BMPR2: variants seen among roughly 807,000 people sequenced by gnomAD.
The protein encoded by BMPR2 is bone morphogenetic protein receptor type-2.
Under a neutral mutation model 100.8 loss-of-function variants are expected in BMPR2, and 29 were observed. That is an observed-to-expected ratio of 0.29 (90% CI 0.21 to 0.39). The LOEUF is 0.39. Ranked by LOEUF, BMPR2 falls within the 10% of genes least tolerant of loss-of-function variation. BMPR2 has a pLI of 1.00. For synonymous variants in BMPR2, 382 were observed against 442.3 expected (o/e 0.86, Z 1.71); for missense variants, 1,011 against 1,274.5 (o/e 0.79, Z 3.15).
At chr2:202,514,165 T>C (rs1171296021) in intron 4 of BMPR2, among the ~76,000 whole-genome samples, 3 of 152,070 alleles carry the variant, frequency 2.0e-5, no homozygotes, top group Admixed American at 1.3e-4. Flanking sequence ...TGAGACGGAG[T>C]CTCGCTGTCG....
chr2:202,395,108 T>C (rs13033003), intron 1 of BMPR2, among the ~76,000 whole-genome samples: 18,049 of 152,074 alleles, frequency 0.12, 1,186 homozygotes, highest in Admixed American at 0.14. Flanking sequence ...GGTCTTGAAC[T>C]CCTGATCTCG....
Position 202,437,225 on chromosome 2 carries a change from T to TA in BMPR2, c.77-27581dup, listed in dbSNP as rs1253652168. 2.0e-5 allele frequency among the ~76,000 whole-genome samples: 3 copies of TA among 150,102 alleles called. No homozygotes were observed. In the East Asian group the frequency reaches 5.8e-4, roughly 29 times the overall value. On this transcript the variant is annotated intron_variant, in intron 1 of 12. Transcript: ENST00000374580. ...TTCACCATTTTGGCCAGGCTGGTCT[T>TA]AAACTCCTGACCTCATGATCCACCC...
intron 3 of BMPR2, among the ~76,000 whole-genome samples, chr2:202,489,088 G>A (rs750688231): frequency 1.9e-4 from 29 of 149,248 alleles, no homozygotes; most frequent in Admixed American, 8.1e-4. Context: ...TGCAACCTCT[G>A]CCTCCTGGGT....
At chr2:202,399,643 G>A (rs2105909497) in intron 1 of BMPR2, among the ~76,000 whole-genome samples, 1 of 152,340 alleles carries the variant, frequency 6.6e-6, no homozygotes. Context: ...AATTAGAGGG[G>A]AGGCATAGGA....
rs886380886 is a variant in BMPR2 at position 202,565,254 on chromosome 2, T to C, written c.*5308T>C. 1.3e-5 allele frequency: 2 copies of C among 152,178 alleles called. No homozygotes were observed. Among genetic ancestry groups the C allele is most frequent in the Non-Finnish European group, 2.9e-5 (2 of 68,030 alleles). 9.4% of individuals were successfully genotyped at this position (152,178 alleles called of 1,614,324 possible). A position where few individuals can be genotyped will look rare whatever the true frequency, so the allele number is the denominator to read the frequency against. On this transcript the variant is annotated 3_prime_UTR_variant, in exon 13 of 13. Coordinates refer to ENST00000374580, the MANE Select transcript of BMPR2 (RefSeq NM_001204.7). ...CAATATTCTTAGTCTTCAGTATGCT[T>C]CAGGCCTCTCAATGAACACTTAAGT...
At position 202,552,713 on chromosome 2, in the gene BMPR2, C is replaced by A; in HGVS notation, c.1414-3C>A. The A allele has an allele frequency of 6.2e-7, 1 of 1,613,856 alleles. No homozygotes were observed. Among genetic ancestry groups the A allele is most frequent in the South Asian group, 1.1e-5 (1 of 91,084 alleles). On this transcript the variant is annotated splice_polypyrimidine_tract_variant and splice_region_variant and intron_variant, in intron 10 of 12. Transcript: ENST00000374580. ...ATGGTTTGACATGTACTTTGTCTTA[C>A]AGGCAGTGAGGTCACTCAAGGAGAC...
At chr2:202,519,112 A>G in intron 6 of BMPR2, 60 bp downstream of exon 6, 2 of 1,552,924 alleles carry the variant, frequency 1.3e-6, no homozygotes, top group East Asian at 2.2e-5. Context: ...CTGTAATCCC[A>G]GCACTTTTGG....
intron 10 of BMPR2, among the ~76,000 whole-genome samples, chr2:202,543,217 T>C: frequency 6.8e-6 from 1 of 146,928 alleles, no homozygotes; most frequent in Non-Finnish European, 1.5e-5. Context: ...TATATACATA[T>C]ATATTTATAT....
In BMPR2 at chr2:202,432,508, C is replaced by CA. The variant is rs1030829644; in HGVS notation, c.77-32300dup. 6.7e-5 allele frequency among the ~76,000 whole-genome samples: 10 copies of CA among 150,138 alleles called. 1 individual carries two copies. Among genetic ancestry groups the CA allele is most frequent in the African/African-American group, 2.5e-4 (10 of 39,662 alleles). On this transcript the variant is annotated intron_variant, in intron 1 of 12. Coordinates refer to ENST00000374580, the MANE Select transcript of BMPR2 (RefSeq NM_001204.7). Reference sequence around the variant, plus strand: ...CTAGGGATGCTGTAACACGTCTTACCATATGTGGGACAGCCTCCACAACAA... The same window carrying CA: ...CTAGGGATGCTGTAACACGTCTTACCAATATGTGGGACAGCCTCCACAACAA...
Position 202,436,291 on chromosome 2 carries a change from A to G in BMPR2, c.77-28518A>G, listed in dbSNP as rs1200945202. Among the ~76,000 whole-genome samples, 6 of 150,350 alleles carry G rather than the reference A, an allele frequency of 4.0e-5. 1 individual carries two copies. The highest frequency in any genetic ancestry group is 2.6e-4 in the Admixed American group (4 of 15,184). On this transcript the variant is annotated intron_variant, in intron 1 of 12. Coordinates refer to ENST00000374580, the MANE Select transcript of BMPR2 (RefSeq NM_001204.7). ...AACATGGTGAAACCCCGTCTCTACAAAAAAATTAGTTGGGCATGATAGCCT... is the reference window on the plus strand; with the variant it reads ...AACATGGTGAAACCCCGTCTCTACAGAAAAATTAGTTGGGCATGATAGCCT...
chr2:202,415,458 C>T (rs1050165702), intron 1 of BMPR2, among the ~76,000 whole-genome samples: 8 of 151,896 alleles, frequency 5.3e-5, no homozygotes, highest in East Asian at 1.9e-4. Flanking sequence ...GCAACAAGAG[C>T]GGAACTGCAT....
chr2:202,557,003 A>G (rs1354726834), intron 12 of BMPR2, among the ~76,000 whole-genome samples: 4 of 151,724 alleles, frequency 2.6e-5, no homozygotes, highest in African/African-American at 9.7e-5. Context: ...AGCCTGGGCA[A>G]AAAAGTGAAA....
chr2:202,445,681 A>G (rs1387580247), intron 1 of BMPR2, among the ~76,000 whole-genome samples: 1 of 150,178 alleles, frequency 6.7e-6, no homozygotes, highest in African/African-American at 2.5e-5. Flanking sequence ...GTTGGTCTCA[A>G]ACTCCTGGGC....
intron 1 of BMPR2, among the ~76,000 whole-genome samples, chr2:202,428,115 A>G (rs1039481169): frequency 6.6e-6 from 1 of 152,188 alleles, no homozygotes; most frequent in African/African-American, 2.4e-5. Context: ...AATATACCCA[A>G]CAAAGAGCTG....
At chr2:202,401,198 G>GGGC (rs1320533130) in intron 1 of BMPR2, among the ~76,000 whole-genome samples, 2 of 152,194 alleles carry the variant, frequency 1.3e-5, no homozygotes, top group Non-Finnish European at 2.9e-5. Flanking sequence ...GAGAACTGAT[G>GGGC]AAGATTGCCA....
intron 1 of BMPR2, among the ~76,000 whole-genome samples, chr2:202,433,404 T>C (rs1381907490): frequency 2.7e-5 from 4 of 150,680 alleles, no homozygotes; most frequent in Non-Finnish European, 5.9e-5. Flanking sequence ...AGGATCTAGT[T>C]TGAGGCACTA....
chr2:202,565,393 T>A lies in BMPR2; in HGVS notation c.*5447T>A, dbSNP rs1688744272. 1 of 152,332 alleles carries A rather than the reference T, an allele frequency of 6.6e-6. No individual in the cohort carries two copies. Among genetic ancestry groups the A allele is most frequent in the Non-Finnish European group, 1.5e-5 (1 of 68,020 alleles). 9.4% of individuals were successfully genotyped at this position (152,332 alleles called of 1,614,324 possible). On this transcript the variant is annotated 3_prime_UTR_variant, in exon 13 of 13. Coordinates refer to ENST00000374580, the MANE Select transcript of BMPR2 (RefSeq NM_001204.7). ...TTTATATTCAAATTCATTACTCCAG[T>A]TAAGTAATAGTTTGATAGTTTGATA...
chr2:202,518,291 T>C (rs1385324276), intron 5 of BMPR2, among the ~76,000 whole-genome samples: 1 of 151,636 alleles, frequency 6.6e-6, no homozygotes, highest in African/African-American at 2.4e-5. Flanking sequence ...GCGTGTGCCA[T>C]GATACCCGGC....
At chr2:202,454,257 G>C (rs1189748267) in intron 1 of BMPR2, among the ~76,000 whole-genome samples, 1 of 152,042 alleles carries the variant, frequency 6.6e-6, no homozygotes, top group African/African-American at 2.4e-5. Context: ...TTTTGGTAGA[G>C]ATAGGGTTTT....
Sources: gnomAD v4.1 joint callset for allele counts (sites outside exome capture counted in the v4.1 genomes callset) on GRCh38, gnomAD v4.1.1 for gene constraint, MANE v1.5 for transcripts, NCBI Gene and HGNC (gene_info 2026-07-23, HGNC 2026-07-21) for gene names.